The following ZNF385D variants were observed in gnomAD, a reference collection of about 807,000 sequenced individuals.
ZNF385D encodes the protein zinc finger protein 385D, also known as zinc finger protein 659.
In ZNF385D, 15 loss-of-function variants were observed where a neutral mutation model predicts 35.8. The ratio of observed to expected loss-of-function variants is 0.42; its 90% CI spans 0.28 to 0.64. The LOEUF is 0.64. ZNF385D is among the 30% of genes least tolerant of loss of function. The pLI, the probability that ZNF385D is intolerant of heterozygous loss-of-function variation, is 0.23. For synonymous variants in ZNF385D, 212 were observed against 186.8 expected, an observed-to-expected ratio of 1.13 and a Z score of -1.10; for missense variants, 474 against 494.6, an observed-to-expected ratio of 0.96 and a Z score of 0.39.
chr3:21,456,545 T>A lies in ZNF385D; in HGVS notation c.440-19342A>T, dbSNP rs185208803. ...GGTGGGAATTGAACAATGAGAACAC[T>A]TGGACACAGGAAGGGGAACATCACA... On this transcript the variant is annotated intron_variant, in intron 4 of 7. Coordinates refer to ENST00000281523, the MANE Select transcript of ZNF385D (RefSeq NM_024697.3). Among the ~76,000 whole-genome samples, 333 of 151,954 alleles carry A rather than the reference T, an allele frequency of 2.2e-3. 4 individuals are homozygous for A. The highest frequency in any genetic ancestry group is 7.8e-4 in the East Asian group (4 of 5,140).
At chr3:22,168,821 G>A in exon 3 of ZNF385D, 1 of 985,684 alleles carries the variant, frequency 1.0e-6, no homozygotes, top group Non-Finnish European at 1.2e-6. Flanking sequence ...GCTTACCATT[G>A]TCATTTTTCA....
intron 2 of ZNF385D, among the ~76,000 whole-genome samples, chr3:22,282,082 C>G (rs1000803429): frequency 6.6e-6 from 1 of 151,984 alleles, no homozygotes; most frequent in Non-Finnish European, 1.5e-5. Flanking sequence ...TCTGTGTTAT[C>G]AGTTGTAATA....
At chr3:22,064,370 A>G (rs1307410855) in intron 3 of ZNF385D, among the ~76,000 whole-genome samples, 1 of 152,180 alleles carries the variant, frequency 6.6e-6, no homozygotes, top group Non-Finnish European at 1.5e-5. Context: ...AACTTCAAAA[A>G]CTGTTAGAAA....
intron 3 of ZNF385D, among the ~76,000 whole-genome samples, chr3:21,930,419 A>C (rs1006483992): frequency 6.6e-6 from 1 of 152,088 alleles, no homozygotes; most frequent in African/African-American, 2.4e-5. Flanking sequence ...ACAAGCAACA[A>C]AATAAAGAAA....
At chr3:22,244,893 G>A (rs867408071) in intron 2 of ZNF385D, among the ~76,000 whole-genome samples, 12 of 142,128 alleles carry the variant, frequency 8.4e-5, no homozygotes, top group Non-Finnish European at 1.2e-4. Flanking sequence ...ACATCACTGC[G>A]TCTCCTCAGG....
chr3:22,334,561 C>A (rs1297919639), intron 2 of ZNF385D, among the ~76,000 whole-genome samples: 1 of 152,042 alleles, frequency 6.6e-6, no homozygotes. Flanking sequence ...GTGATGAATT[C>A]TCTCAACTTG....
chr3:21,818,390 C>G (rs1177284523), intron 3 of ZNF385D, among the ~76,000 whole-genome samples: 1 of 152,136 alleles, frequency 6.6e-6, no homozygotes, highest in Non-Finnish European at 1.5e-5. Context: ...CTGTTTGCAA[C>G]TTGATTTAAA....
At chr3:21,473,848 G>A (rs1236195158) in intron 4 of ZNF385D, among the ~76,000 whole-genome samples, 4 of 151,896 alleles carry the variant, frequency 2.6e-5, no homozygotes, top group East Asian at 1.9e-4. Context: ...TAATTTAGAC[G>A]CTCACCCATT....
At chr3:21,451,194 CTCTA>C (rs1359849231) in intron 4 of ZNF385D, among the ~76,000 whole-genome samples, 3 of 151,944 alleles carry the variant, frequency 2.0e-5, no homozygotes, top group Non-Finnish European at 4.4e-5. Context: ...TGAAATTCTT[CTCTA>C]TCTTTGAAGG....
chr3:22,026,995 T>A lies in ZNF385D; in HGVS notation c.325+141822A>T, dbSNP rs141361031. Among the ~76,000 whole-genome samples the A allele has an allele frequency of 1.9e-3, 282 of 152,346 alleles. 7 individuals are homozygous for A. In the East Asian group the frequency reaches 0.044, roughly 24 times the overall value. ...CATTGCTTGAGCAAATTAACACATA[T>A]CCTGGTACCTGGTATGCAGCCATTG... On this transcript the variant is annotated intron_variant, in intron 3 of 5. Coordinates refer to the ZNF385D transcript ENST00000494108.
intron 3 of ZNF385D, among the ~76,000 whole-genome samples, chr3:22,073,601 G>A (rs2062428673): frequency 6.6e-6 from 1 of 151,902 alleles, no homozygotes; most frequent in South Asian, 2.1e-4. Flanking sequence ...CATGAATTAT[G>A]AGATTATGCA....
intron 3 of ZNF385D, among the ~76,000 whole-genome samples, chr3:22,102,693 A>G (rs1702000726): frequency 6.6e-6 from 1 of 152,086 alleles, no homozygotes; most frequent in African/African-American, 2.4e-5. Flanking sequence ...CTTAACCTAT[A>G]TTTAAACTTA....
chr3:22,190,650 A>T (rs1695956970), intron 2 of ZNF385D, among the ~76,000 whole-genome samples: 1 of 152,192 alleles, frequency 6.6e-6, no homozygotes, highest in African/African-American at 2.4e-5. Context: ...TATTGAAGGA[A>T]AATTAAATAT....
intron 3 of ZNF385D, among the ~76,000 whole-genome samples, chr3:22,109,572 G>A (rs1043214207): frequency 6.6e-6 from 1 of 152,188 alleles, no homozygotes; most frequent in South Asian, 2.1e-4. Context: ...AGATGAAGAA[G>A]TGAAGGTGAA....
intron 3 of ZNF385D, among the ~76,000 whole-genome samples, chr3:21,812,346 T>A (rs1381254663): frequency 5.3e-5 from 8 of 152,204 alleles, no homozygotes; most frequent in Non-Finnish European, 1.2e-4. Flanking sequence ...TCACTGGGGC[T>A]TGTTGGACAG....
chr3:22,337,398 G>C lies in ZNF385D; in HGVS notation c.106+35052C>G, dbSNP rs528532447. Among the ~76,000 whole-genome samples the C allele has an allele frequency of 1.2e-4, 18 of 152,240 alleles. 1 individual carries two copies. In the South Asian group the frequency reaches 3.3e-3, roughly 28 times the overall value. On this transcript the variant is annotated intron_variant, in intron 2 of 5. Coordinates refer to the ZNF385D transcript ENST00000494108. The stretch of plus-strand genomic sequence containing the variant: ...AAAATACAAAGTTTAGCTTGGCGTG[G>C]TGGCGCATGCCTATAATCCCAGCTA...
At chr3:22,299,817 C>T (rs936909802) in intron 2 of ZNF385D, among the ~76,000 whole-genome samples, 1 of 151,684 alleles carries the variant, frequency 6.6e-6, no homozygotes, top group African/African-American at 2.4e-5. Context: ...CATTAAAGAA[C>T]ACAAATAAAT....
chr3:21,787,970 AAAAAAAAAAAAAG>A (rs2071768674), intron 3 of ZNF385D, among the ~76,000 whole-genome samples: 4 of 84,234 alleles, frequency 4.7e-5, no homozygotes, highest in African/African-American at 1.7e-4. Context: ...AAAAAAAAAA[AAAAAAAAAAAAAG>A]AGAGAGAGAG....
chr3:22,261,912 C>T (rs563852995), intron 2 of ZNF385D, among the ~76,000 whole-genome samples: 2 of 152,022 alleles, frequency 1.3e-5, no homozygotes, highest in African/African-American at 2.4e-5. Flanking sequence ...TGTATCTTAA[C>T]CTTTTTTTGT....
Sources: allele counts gnomAD v4.1 joint callset (sites outside exome capture counted in the v4.1 genomes callset), GRCh38; gene constraint gnomAD v4.1.1; transcripts MANE v1.5; gene names NCBI Gene and HGNC (gene_info 2026-07-23, HGNC 2026-07-21).